HMG20A: variants seen among roughly 807,000 people sequenced by gnomAD.
The protein encoded by HMG20A is high mobility group protein 20A.
HMG20A carries 17 observed loss-of-function variants against 43.9 expected under a neutral mutation model. The ratio of observed to expected loss-of-function variants is 0.39; its 90% CI spans 0.27 to 0.58. HMG20A has a LOEUF of 0.58. Ranked by LOEUF, HMG20A falls within the 20% of genes least tolerant of loss-of-function variation. HMG20A has a pLI of 0.59. For synonymous variants in HMG20A, 132 were observed against 147.5 expected (o/e 0.89, Z 0.76); for missense variants, 341 against 438.2 (o/e 0.78, Z 1.98).
intron 1 of HMG20A, among the ~76,000 whole-genome samples, chr15:77,422,059 C>G (rs971448110): frequency 6.6e-6 from 1 of 152,032 alleles, no homozygotes; most frequent in Non-Finnish European, 1.5e-5. Context: ...ATATGTGAGG[C>G]GGTAATAAAC....
rs8032877 is a variant in HMG20A, at chr15:77,430,950, C to T, written c.-5+9946C>T. On this transcript the variant is annotated intron_variant, in intron 1 of 9. Transcript: ENST00000336216. Reference sequence around the variant, plus strand: ...ACAGTGATTGAGAATTTTCTAAAACCGATGACAAATATCAAGCCATGGATT... The same window carrying T: ...ACAGTGATTGAGAATTTTCTAAAACTGATGACAAATATCAAGCCATGGATT... Among the ~76,000 whole-genome samples, 1,280 of 152,086 alleles carry T rather than the reference C, an allele frequency of 8.4e-3. 21 individuals are homozygous for T. The highest frequency in any genetic ancestry group is 0.029 in the African/African-American group (1,199 of 41,458).
At chr15:77,472,756 T>C (rs1490218307) in intron 6 of HMG20A, among the ~76,000 whole-genome samples, 3 of 152,260 alleles carry the variant, frequency 2.0e-5, no homozygotes, top group Admixed American at 1.3e-4. Flanking sequence ...TTCAAACTTT[T>C]CTTGTTTCCT....
chr15:77,421,040 T>G (rs913819221), intron 1 of HMG20A, 36 bp downstream of exon 1: 2 of 398,424 alleles, frequency 5.0e-6, no homozygotes, highest in Non-Finnish European at 8.8e-6. Context: ...GTGGCCCCAG[T>G]CGAGATGCCC....
At chr15:77,448,328 G>T (rs1253550454) in intron 1 of HMG20A, among the ~76,000 whole-genome samples, 1 of 152,088 alleles carries the variant, frequency 6.6e-6, no homozygotes, top group African/African-American at 2.4e-5. Context: ...TTTCCCACTA[G>T]TTCAGTCCAG....
At chr15:77,470,308 T>A (rs886461794) in intron 4 of HMG20A, among the ~76,000 whole-genome samples, 4 of 152,224 alleles carry the variant, frequency 2.6e-5, no homozygotes, top group African/African-American at 9.6e-5. Context: ...AAATAATTAA[T>A]AGCACAAAGC....
chr15:77,488,169 T>C (rs978844644), downstream of HMG20A, among the ~76,000 whole-genome samples: 16 of 152,216 alleles, frequency 1.1e-4, no homozygotes, highest in African/African-American at 2.7e-4. Context: ...GAGGATGTCT[T>C]ATATGTTTAT....
chr15:77,500,622 G>A, the HMG20A span, among the ~76,000 whole-genome samples: 1 of 149,362 alleles, frequency 6.7e-6, no homozygotes, highest in Non-Finnish European at 1.5e-5. Flanking sequence ...AGGCTGGAGT[G>A]CAATGACACG....
At chr15:77,448,826 G>A (rs1185489074) in intron 1 of HMG20A, among the ~76,000 whole-genome samples, 1 of 152,070 alleles carries the variant, frequency 6.6e-6, no homozygotes, top group Admixed American at 6.5e-5. Flanking sequence ...GCTCACGCCT[G>A]TAATCCCAGC....
the HMG20A span, among the ~76,000 whole-genome samples, chr15:77,504,047 G>A: frequency 2.6e-5 from 4 of 152,214 alleles, no homozygotes; most frequent in African/African-American, 9.6e-5. Flanking sequence ...ATGAGTGCCT[G>A]GGGATCTGGA....
At chr15:77,439,084 C>T (rs760270674) in intron 1 of HMG20A, among the ~76,000 whole-genome samples, 7 of 152,294 alleles carry the variant, frequency 4.6e-5, no homozygotes, top group Middle Eastern at 6.8e-3. Context: ...TGAGTCACCA[C>T]GCCCGTCCGT....
intron 1 of HMG20A, among the ~76,000 whole-genome samples, chr15:77,453,795 G>A (rs1166733756): frequency 1.3e-5 from 2 of 152,118 alleles, no homozygotes; most frequent in Admixed American, 6.5e-5. Flanking sequence ...AAAACTTTAT[G>A]CTAAGTGAGA....
intron 1 of HMG20A, chr15:77,458,199 TG>T (rs1042240691): frequency 2.2e-5 from 9 of 402,242 alleles, no homozygotes; most frequent in Non-Finnish European, 3.6e-5. Context: ...GTTTTCAGTC[TG>T]GTCAGTTGAT....
Position 77,483,350 on chromosome 15 carries a change from G to C in HMG20A, c.*387G>C, listed in dbSNP as rs2072920662. On this transcript the variant is annotated 3_prime_UTR_variant, in exon 10 of 10. Coordinates refer to ENST00000336216, the MANE Select transcript of HMG20A (RefSeq NM_001304504.2). Reference sequence around the variant, plus strand: ...TAATTTCGCTTAGACCCTTTTATCAGTGGAGCTCCAGTTTTCTTACCTAGC... The same window carrying C: ...TAATTTCGCTTAGACCCTTTTATCACTGGAGCTCCAGTTTTCTTACCTAGC... 1 of 152,248 alleles carries C rather than the reference G, an allele frequency of 6.6e-6. No individual in the cohort carries two copies. The highest frequency in any genetic ancestry group is 2.4e-5 in the African/African-American group (1 of 41,450). 9.4% of individuals were successfully genotyped at this position (152,248 alleles called of 1,614,324 possible). A position where few individuals can be genotyped will look rare whatever the true frequency, so the allele number is the denominator to read the frequency against.
the HMG20A span, among the ~76,000 whole-genome samples, chr15:77,509,079 G>A: frequency 6.6e-6 from 1 of 152,100 alleles, no homozygotes; most frequent in African/African-American, 2.4e-5. Flanking sequence ...TCTTGGAGAT[G>A]ACCACATCTA....
intron 1 of HMG20A, among the ~76,000 whole-genome samples, chr15:77,422,789 G>A (rs2073384697): frequency 6.6e-6 from 1 of 152,182 alleles, no homozygotes; most frequent in Non-Finnish European, 1.5e-5. Context: ...CCACACGATT[G>A]CTGCAGTAGT....
chr15:77,512,278 GGTACAGAATTTCAAGTTT>G, the HMG20A span, among the ~76,000 whole-genome samples: 4 of 152,078 alleles, frequency 2.6e-5, no homozygotes, highest in Admixed American at 6.6e-5. Flanking sequence ...TTGTTTAATG[GGTACAGAATTTCAAGTTT>G]GTCAGATGAA....
intron 1 of HMG20A, among the ~76,000 whole-genome samples, chr15:77,442,615 T>C (rs1035901833): frequency 1.3e-5 from 2 of 152,242 alleles, no homozygotes; most frequent in African/African-American, 4.8e-5. Flanking sequence ...CTCTGCCCTA[T>C]AGTCCTAATT....
At chr15:77,458,810 G>A (rs1009787600) in intron 2 of HMG20A, among the ~76,000 whole-genome samples, 2 of 152,108 alleles carry the variant, frequency 1.3e-5, no homozygotes, top group African/African-American at 4.8e-5. Flanking sequence ...AAAAACAAAT[G>A]CATTTTTTCT....
chr15:77,460,727 T>G (rs2072697372), intron 2 of HMG20A, among the ~76,000 whole-genome samples: 1 of 152,176 alleles, frequency 6.6e-6, no homozygotes, highest in African/African-American at 2.4e-5. Flanking sequence ...GCTCACAACC[T>G]GTAATCCCAG....
Sources: gnomAD v4.1 joint callset for allele counts (sites outside exome capture counted in the v4.1 genomes callset) on GRCh38, gnomAD v4.1.1 for gene constraint, MANE v1.5 for transcripts, NCBI Gene and HGNC (gene_info 2026-07-23, HGNC 2026-07-21) for gene names.